MYO18A: variants seen among roughly 807,000 people sequenced by gnomAD.
MYO18A encodes the protein unconventional myosin-XVIIIa.
MYO18A carries 78 observed loss-of-function variants against 235.8 expected under a neutral mutation model. That is an observed-to-expected ratio of 0.33 (90% CI 0.28 to 0.40). The LOEUF is 0.40. MYO18A is among the 10% of genes least tolerant of loss of function. MYO18A has a pLI of 1.00. For missense variants in MYO18A, 2,215 were observed against 2,699.3 expected, an observed-to-expected ratio of 0.82 and a Z score of 3.98; for synonymous variants, 977 against 1,077.8, an observed-to-expected ratio of 0.91 and a Z score of 1.83.
intron 2 of MYO18A, among the ~76,000 whole-genome samples, chr17:29,164,050 C>A (rs780149405): frequency 5.3e-5 from 8 of 152,194 alleles, no homozygotes; most frequent in Admixed American, 1.3e-4. Flanking sequence ...CCACCACGCC[C>A]AGCTAATTTT....
rs755516156 is a variant in MYO18A at position 29,073,999 on chromosome 17, CAA to C, written c.*769_*770del. 7 of 1,613,658 alleles carry C rather than the reference CAA, an allele frequency of 4.3e-6. No homozygotes were observed. The highest frequency in any genetic ancestry group is 5.9e-6 in the Non-Finnish European group (7 of 1,179,898). ...GGTCATTGCACATAACACGCTGAGA[CAA>C]AGAGGGTGGGGTGGGGGCTGGAGGT... On this transcript the variant is annotated 3_prime_UTR_variant, in exon 42 of 42. Coordinates refer to ENST00000527372, the MANE Select transcript of MYO18A (RefSeq NM_078471.4).
chr17:29,136,320 A>G (rs1162783729), intron 2 of MYO18A, among the ~76,000 whole-genome samples: 2 of 149,590 alleles, frequency 1.3e-5, no homozygotes, highest in African/African-American at 4.9e-5. Context: ...ACCCACAAAA[A>G]TTAAAAAAAA....
chr17:29,085,362 C>A (rs569762757), intron 40 of MYO18A, among the ~76,000 whole-genome samples: 1 of 152,232 alleles, frequency 6.6e-6, no homozygotes, highest in Non-Finnish European at 1.5e-5. Flanking sequence ...CAGGAGCCCC[C>A]CCATCCTGCC....
chr17:29,085,588 G>A lies in MYO18A; in HGVS notation c.5897+16C>T. 6.2e-7 allele frequency: 1 copy of A among 1,613,560 alleles called. No individual in the cohort carries two copies. The highest frequency in any genetic ancestry group is 1.1e-5 in the South Asian group (1 of 91,052). On this transcript the variant is annotated intron_variant, in intron 40 of 41. Transcript: ENST00000527372. Reference sequence around the variant, plus strand: ...CCGCGAGGACAGGCAGAGAGCACATGCGCTCCAGTCCTCACAGTTTATTCT... The same window carrying A: ...CCGCGAGGACAGGCAGAGAGCACATACGCTCCAGTCCTCACAGTTTATTCT...
At chr17:29,133,610 G>A (rs2067525629) in intron 2 of MYO18A, among the ~76,000 whole-genome samples, 3 of 152,044 alleles carry the variant, frequency 2.0e-5, no homozygotes, top group Admixed American at 6.5e-5. Flanking sequence ...CTCAGTGCAG[G>A]AGCCCATCCA....
chr17:29,136,250 A>AAAAAATATAT (rs1483354837), intron 2 of MYO18A, among the ~76,000 whole-genome samples: 2 of 82,470 alleles, frequency 2.4e-5, no homozygotes, highest in African/African-American at 9.2e-5. Flanking sequence ...AAAAAAAAAA[A>AAAAAATATAT]ATATATATAT....
In MYO18A at chr17:29,120,811, C is replaced by G. The variant is rs2067180004; in HGVS notation, c.1586-53G>C. ...CAGGAAAGCCAGGGGCAGCTTATCC[C>G]CCAGCTAGGAGCTACCCCAGAGGTA... On this transcript the variant is annotated intron_variant, in intron 6 of 41. Transcript: ENST00000527372. The surrounding 1 kb of genome is among the most constrained non-coding windows in gnomAD (Gnocchi z 4.2). The G allele has an allele frequency of 6.3e-7, 1 of 1,589,766 alleles. No individual in the cohort carries two copies. Among genetic ancestry groups the G allele is most frequent in the Non-Finnish European group, 8.6e-7 (1 of 1,166,474 alleles).
chr17:29,111,573 G>A lies in MYO18A; in HGVS notation c.2751C>T (p.Pro917=). 1 of 1,613,868 alleles carries A rather than the reference G, an allele frequency of 6.2e-7. No homozygotes were observed. The highest frequency in any genetic ancestry group is 1.1e-5 in the South Asian group (1 of 91,070). The part of the protein sequence containing the change: ...PQEGDKKGQS[P]LLHSSKPHHF... ...GGTGTGGTTTGCTGCTGTGCAGAAG[G>A]GGGCTTTGGCCTGATGGTGGGAGAA... The change falls in exon 17 of 42, where the codon CCC becomes CCT. Residue 917 remains proline, a synonymous_variant. Transcript: ENST00000527372. The surrounding 1 kb of genome is among the most constrained non-coding windows in gnomAD (Gnocchi z 5.1).
At position 29,090,599 on chromosome 17, in the gene MYO18A, G is replaced by T. The variant is rs1198200072; in HGVS notation, c.5321C>A (p.Ala1774Asp). ...CTGAGCTTGGAGATCATTTATCTGA[G>T]CCAGGTCCCGGGAAGCCTGGGAAAG... The part of the protein sequence containing the change: ...AAVAQASRDL[A>D]QINDLQAQLE... Residue 1774 changes from alanine to aspartate, a missense_variant, in exon 36 of 42, where the codon GCT (alanine) becomes GAT (aspartate). Coordinates refer to ENST00000527372, the MANE Select transcript of MYO18A (RefSeq NM_078471.4). The T allele has an allele frequency of 1.3e-6, 2 of 1,599,716 alleles. No homozygotes were observed. Among genetic ancestry groups the T allele is most frequent in the Admixed American group, 3.5e-5 (2 of 57,804 alleles).
rs975176739 is a variant in MYO18A at position 29,072,006 on chromosome 17, G to A, written c.*2764C>T. On this transcript the variant is annotated 3_prime_UTR_variant, in exon 42 of 42. Transcript: ENST00000527372. ...TGAACAAAGCTTTTTACCCCAGGCCGGGTTATTGGAGGTTGATGTTGGAGT... is the reference window on the plus strand; with the variant it reads ...TGAACAAAGCTTTTTACCCCAGGCCAGGTTATTGGAGGTTGATGTTGGAGT... 1 of 152,134 alleles carries A rather than the reference G, an allele frequency of 6.6e-6. No individual in the cohort carries two copies. The highest frequency in any genetic ancestry group is 2.4e-5 in the African/African-American group (1 of 41,426). The allele number at this position is 152,134 out of a possible 1,614,324, so 9.4% of individuals were successfully genotyped here. A position where few individuals can be genotyped will look rare whatever the true frequency, so the allele number is the denominator to read the frequency against.
intron 21 of MYO18A, among the ~76,000 whole-genome samples, 181 bp downstream of exon 21, chr17:29,103,411 TCCCTGGC>T (rs1372762813): frequency 6.6e-6 from 1 of 152,118 alleles, no homozygotes; most frequent in Non-Finnish European, 1.5e-5. Flanking sequence ...AACCTCTAGC[TCCCTGGC>T]CCCTGGCCCT....
At chr17:29,143,400 AG>A (rs1448274375) in intron 2 of MYO18A, among the ~76,000 whole-genome samples, 1 of 137,236 alleles carries the variant, frequency 7.3e-6, no homozygotes, top group African/African-American at 2.8e-5. Context: ...GCCACCATGT[AG>A]GTTTTTTTTT....
intron 18 of MYO18A, 37 bp downstream of exon 18, chr17:29,110,399 C>A: frequency 6.5e-7 from 1 of 1,538,584 alleles, no homozygotes; most frequent in Non-Finnish European, 8.8e-7. Context: ...AAGGAAGGGT[C>A]CCCAGGCCTG....
chr17:29,100,216 G>C (rs534048909), intron 21 of MYO18A, among the ~76,000 whole-genome samples: 16 of 152,220 alleles, frequency 1.1e-4, no homozygotes, highest in Non-Finnish European at 2.2e-4. Context: ...ACTCCCAATT[G>C]CTGGGATCGG....
Position 29,119,413 on chromosome 17 carries a change from C to T in MYO18A, c.1751G>A (p.Arg584His), listed in dbSNP as rs752350453. The change falls in exon 8 of 42, where the codon CGT (arginine) becomes CAT (histidine). Residue 584 changes from arginine to histidine, a missense_variant. Transcript: ENST00000527372. ...SIQTMLLEKL[R>H]VARRPASEAT... Reference sequence around the variant, plus strand: ...TTCACTGGCTGGGCGCCGAGCCACACGCAGCTTCTCCAGAAGCATTGTCTG... The same window carrying T: ...TTCACTGGCTGGGCGCCGAGCCACATGCAGCTTCTCCAGAAGCATTGTCTG... 6.2e-6 allele frequency: 10 copies of T among 1,611,010 alleles called. No individual in the cohort carries two copies. Among genetic ancestry groups the T allele is most frequent in the African/African-American group, 4.0e-5 (3 of 74,858 alleles).
At position 29,126,514 on chromosome 17, in the gene MYO18A, C is replaced by T. The variant is rs948365802; in HGVS notation, c.1000-4261G>A. Among the ~76,000 whole-genome samples the T allele has an allele frequency of 2.0e-5, 3 of 152,094 alleles. No homozygotes were observed. Among genetic ancestry groups the T allele is most frequent in the African/African-American group, 7.2e-5 (3 of 41,398 alleles). ...TGGGCCAGGTGGGTGGGGGAAGCGG[C>T]GGCTGGCTTTTCTCTAAGTGCTGCA... On this transcript the variant is annotated intron_variant, in intron 2 of 41. Coordinates refer to ENST00000527372, the MANE Select transcript of MYO18A (RefSeq NM_078471.4). This position sits in a 1 kb window ranked among gnomAD's most constrained non-coding sequence, Gnocchi z 4.1.
At chr17:29,162,449 T>C (rs1157297294) in intron 2 of MYO18A, among the ~76,000 whole-genome samples, 1 of 152,196 alleles carries the variant, frequency 6.6e-6, no homozygotes, top group Admixed American at 6.5e-5. Flanking sequence ...GGCCTTGGCA[T>C]GTGTTTGTGA....
Position 29,073,915 on chromosome 17 carries a change from G to A in MYO18A, c.*855C>T, listed in dbSNP as rs1300596532. On this transcript the variant is annotated 3_prime_UTR_variant, in exon 42 of 42. Coordinates refer to ENST00000527372, the MANE Select transcript of MYO18A (RefSeq NM_078471.4). ...CCAGACCACCTGGACAGAGCAGGAG[G>A]GAGGCAGTGCTTGGATCAGCCCTGA... 6 of 1,613,766 alleles carry A rather than the reference G, an allele frequency of 3.7e-6. No individual in the cohort carries two copies. The highest frequency in any genetic ancestry group is 4.2e-6 in the Non-Finnish European group (5 of 1,179,786).
chr17:29,145,364 C>T (rs557916421), intron 2 of MYO18A, among the ~76,000 whole-genome samples: 12 of 152,266 alleles, frequency 7.9e-5, no homozygotes, highest in Admixed American at 5.2e-4. Context: ...ACATTGGTGG[C>T]GTGGATGAGT....
Sources: gnomAD v4.1 joint callset for allele counts (sites outside exome capture counted in the v4.1 genomes callset) on GRCh38, gnomAD v4.1.1 for gene constraint, Gnocchi (gnomAD v3.1) non-coding constraint, MANE v1.5 for transcripts, NCBI Gene and HGNC (gene_info 2026-07-23, HGNC 2026-07-21) for gene names.